The following SATL1 variants were observed in gnomAD, a reference collection of about 807,000 sequenced individuals.
SATL1 encodes spermidine/spermine N(1)-acetyltransferase-like protein 1.
A neutral mutation model predicts 51.8 loss-of-function variants in SATL1; 47 were observed. That is an observed-to-expected ratio of 0.91 (90% confidence interval 0.72 to 1.16). SATL1 has a LOEUF of 1.16. Among genes scored for constraint, SATL1 ranks in the 50% most tolerant of loss-of-function variants. SATL1 has a pLI of 0.00. For missense variants in SATL1, 520 were observed against 526.4 expected (o/e 0.99, Z 0.12); for synonymous variants, 176 against 182.4 (o/e 0.97, Z 0.28).
intron 2 of SATL1, among the ~76,000 whole-genome samples, chrX:85,204,377 T>A (rs963416710): frequency 1.8e-5 from 2 of 112,427 alleles, no homozygotes; most frequent in Non-Finnish European, 3.8e-5. Context: ...GCACACTAGC[T>A]GCTTCTAGTC....
In SATL1 at chrX:85,118,087, C is replaced by CTTTTTTTTTTTTTTTTTTTTTTTTTTTT. The variant is rs747093188; in HGVS notation, c.-312-8808_-312-8807insAAAAAAAAAAAAAAAAAAAAAAAAAAAA. Among the ~76,000 whole-genome samples, 20 of 46,172 alleles carry CTTTTTTTTTTTTTTTTTTTTTTTTTTTT rather than the reference C, an allele frequency of 4.3e-4. 4 individuals are homozygous for CTTTTTTTTTTTTTTTTTTTTTTTTTTTT. The highest frequency in any genetic ancestry group is 8.2e-4 in the Non-Finnish European group (17 of 20,847). The allele number at this position is 46,172 out of a possible 115,157, so 40.1% of individuals were successfully genotyped here. A position where few individuals can be genotyped will look rare whatever the true frequency, so the allele number is the denominator to read the frequency against. Reference sequence around the variant, plus strand: ...TTTTGCAAATAAAAAAAGAACTTAGCTTTTTTTTTTTTTTTTCCAGAGTGC... The same window carrying CTTTTTTTTTTTTTTTTTTTTTTTTTTTT: ...TTTTGCAAATAAAAAAAGAACTTAGCTTTTTTTTTTTTTTTTTTTTTTTTTTTTTTTTTTTTTTTTTTTTCCAGAGTGC... On this transcript the variant is annotated intron_variant, in intron 2 of 7. Coordinates refer to ENST00000644105, the MANE Select transcript of SATL1 (RefSeq NM_001367857.2).
At chrX:85,138,146 G>A (rs1602860431) in intron 2 of SATL1, among the ~76,000 whole-genome samples, 1 of 112,367 alleles carries the variant, frequency 8.9e-6, no homozygotes, top group East Asian at 2.8e-4. Flanking sequence ...TGCCACATTT[G>A]AGTCTGGTTC....
chrX:85,181,275 T>A (rs1191369558), intron 2 of SATL1, among the ~76,000 whole-genome samples: 1 of 108,781 alleles, frequency 9.2e-6, no homozygotes, highest in East Asian at 2.9e-4. Context: ...TGAATGCCCA[T>A]GGAAATACTG....
chrX:85,119,684 T>C (rs974699084), intron 2 of SATL1, among the ~76,000 whole-genome samples: 2 of 110,981 alleles, frequency 1.8e-5, no homozygotes, highest in Non-Finnish European at 3.8e-5. Context: ...TACCTTGCAT[T>C]TGATATGTAA....
chrX:85,235,236 G>C (rs1335846209), intron 1 of SATL1, among the ~76,000 whole-genome samples: 3 of 110,786 alleles, frequency 2.7e-5, no homozygotes, highest in Non-Finnish European at 5.7e-5. Context: ...ATTGCTAAGA[G>C]AGAGATACAC....
chrX:85,229,622 TA>T (rs1555965904), intron 1 of SATL1, among the ~76,000 whole-genome samples: 27 of 108,001 alleles, frequency 2.5e-4, no homozygotes, highest in South Asian at 1.2e-3. Context: ...CATTCAGAAT[TA>T]AAAAAAAAGT....
At chrX:85,103,779 T>C in intron 4 of SATL1, 85 bp downstream of exon 4, 1 of 641,425 alleles carries the variant, frequency 1.6e-6, no homozygotes, top group Non-Finnish European at 2.5e-6. Flanking sequence ...GTCATCTTTA[T>C]GTACCAAGAA....
At chrX:85,116,562 AATGTTACT>A (rs1925387336) in intron 2 of SATL1, among the ~76,000 whole-genome samples, 2 of 111,636 alleles carry the variant, frequency 1.8e-5, no homozygotes, top group Non-Finnish European at 1.9e-5. Flanking sequence ...TTACCAGCCA[AATGTTACT>A]AGAAGGTCAT....
chrX:85,221,680 T>G (rs758421717), intron 2 of SATL1, among the ~76,000 whole-genome samples: 72 of 112,250 alleles, frequency 6.4e-4, no homozygotes, highest in Non-Finnish European at 1.1e-3. Context: ...GATGTGGCTA[T>G]CCCAGAAAAA....
At chrX:85,226,569 T>TTA in intron 1 of SATL1, among the ~76,000 whole-genome samples, 1 of 111,672 alleles carries the variant, frequency 9.0e-6, no homozygotes, top group Middle Eastern at 4.6e-3. Context: ...CACATGGAGC[T>TTA]TATATTTTAC....
At chrX:85,143,117 T>G (rs1380206687) in intron 2 of SATL1, 1 of 111,986 alleles carries the variant, frequency 8.9e-6, no homozygotes, top group African/African-American at 3.2e-5. Flanking sequence ...TAATAAAACA[T>G]GAACCTTAGT....
In SATL1 at chrX:85,180,655, T is replaced by C. The variant is rs758081162; in HGVS notation, c.-313+43550A>G. Among the ~76,000 whole-genome samples, 13 of 111,477 alleles carry C rather than the reference T, an allele frequency of 1.2e-4. No homozygotes were observed. The South Asian group carries it at 4.8e-3, about 41-fold the overall frequency. On this transcript the variant is annotated intron_variant, in intron 2 of 7. Coordinates refer to ENST00000644105, the MANE Select transcript of SATL1 (RefSeq NM_001367857.2). ...TCAAGTTAATGATACATAATTTTCA[T>C]TTATTGCAAATTTGATTCCTGTTAC...
chrX:85,127,555 A>G (rs959841592), intron 2 of SATL1, among the ~76,000 whole-genome samples: 2 of 111,493 alleles, frequency 1.8e-5, no homozygotes, highest in African/African-American at 6.5e-5. Flanking sequence ...AATTCTCTTA[A>G]CTTGCTCCAT....
At chrX:85,215,362 G>A (rs1035216197) in intron 2 of SATL1, among the ~76,000 whole-genome samples, 46 of 110,660 alleles carry the variant, frequency 4.2e-4, no homozygotes, top group African/African-American at 8.1e-4. Flanking sequence ...TTTAGTCATG[G>A]TAATCTCTTT....
Position 85,109,231 on chromosome X carries a change from G to A in SATL1, c.-263C>T, listed in dbSNP as rs1313359288. 1.3e-5 allele frequency: 5 copies of A among 380,297 alleles called. No individual in the cohort carries two copies. The highest frequency in any genetic ancestry group is 2.3e-5 in the Non-Finnish European group (5 of 220,057). 31.3% of individuals were successfully genotyped at this position (380,297 alleles called of 1,213,427 possible). A position where few individuals can be genotyped will look rare whatever the true frequency, so the allele number is the denominator to read the frequency against. On this transcript the variant is annotated 5_prime_UTR_variant, in exon 3 of 8. Coordinates refer to ENST00000644105, the MANE Select transcript of SATL1 (RefSeq NM_001367857.2). The stretch of plus-strand genomic sequence containing the variant: ...GTTTGCTGGAGTTGACTTCACCAGC[G>A]ACCACAGCTGCAAGCTTGGCTGAGT...
intron 2 of SATL1, among the ~76,000 whole-genome samples, chrX:85,194,679 A>G (rs1471071893): frequency 1.8e-5 from 2 of 110,750 alleles, no homozygotes; most frequent in African/African-American, 6.6e-5. Context: ...TACACCATGG[A>G]ATACCATACA....
chrX:85,178,647 C>CAAA (rs748854565), intron 2 of SATL1, among the ~76,000 whole-genome samples: 2 of 101,392 alleles, frequency 2.0e-5, no homozygotes, highest in Admixed American at 1.0e-4. Flanking sequence ...AACAAACAAA[C>CAAA]AAAAAAAAAC....
intron 2 of SATL1, chrX:85,209,335 CTTAG>C (rs1231605713): frequency 9.0e-6 from 1 of 111,615 alleles, no homozygotes; most frequent in Non-Finnish European, 1.9e-5. Context: ...GTTCTTTTGG[CTTAG>C]GATTGTCTTG....
At chrX:85,232,569 T>C (rs1928403576) in intron 1 of SATL1, among the ~76,000 whole-genome samples, 1 of 111,263 alleles carries the variant, frequency 9.0e-6, no homozygotes, top group African/African-American at 3.3e-5. Context: ...CACTATCCTG[T>C]AGGGAGAGTC....
Sources: gnomAD v4.1 joint callset for allele counts (sites outside exome capture counted in the v4.1 genomes callset) on GRCh38, gnomAD v4.1.1 for gene constraint, MANE v1.5 for transcripts, NCBI Gene and HGNC (gene_info 2026-07-23, HGNC 2026-07-21) for gene names.